CNTN5: variants seen among roughly 807,000 people sequenced by gnomAD.
CNTN5 encodes the protein contactin 5, also known as contactin-5.
CNTN5 carries 77 observed loss-of-function variants against 129.1 expected under a neutral mutation model. That is an observed-to-expected ratio of 0.60 (90% confidence interval 0.50 to 0.72). The LOEUF (loss-of-function observed/expected upper bound fraction) is 0.72. Among genes scored for constraint, CNTN5 ranks in the 30% least tolerant of loss-of-function variants. The pLI is 0.00. For synonymous variants in CNTN5, 509 were observed against 465.6 expected, an observed-to-expected ratio of 1.09 and a Z score of -1.20; for missense variants, 1,478 against 1,328.8, an observed-to-expected ratio of 1.11 and a Z score of -1.75.
intron 2 of CNTN5, among the ~76,000 whole-genome samples, chr11:99,492,808 T>C (rs994468577): frequency 6.6e-6 from 1 of 152,200 alleles, no homozygotes; most frequent in African/African-American, 2.4e-5. Context: ...GAGCCAGGCA[T>C]GCAGAACTGT....
chr11:99,469,718 T>C (rs1318308494), intron 2 of CNTN5, among the ~76,000 whole-genome samples: 1 of 152,142 alleles, frequency 6.6e-6, no homozygotes, highest in Non-Finnish European at 1.5e-5. Flanking sequence ...TCTATGGTTT[T>C]ATTTATAATA....
At chr11:99,815,014 A>G (rs1946538419) in intron 3 of CNTN5, among the ~76,000 whole-genome samples, 1 of 151,344 alleles carries the variant, frequency 6.6e-6, no homozygotes, top group African/African-American at 2.4e-5. Context: ...ATGAGAACTC[A>G]CTATCACAAG....
At chr11:99,987,994 A>G (rs1938802023) in intron 8 of CNTN5, among the ~76,000 whole-genome samples, 2 of 152,206 alleles carry the variant, frequency 1.3e-5, no homozygotes, top group South Asian at 4.1e-4. Flanking sequence ...CATCCACTTT[A>G]CATCTAGAGT....
chr11:99,328,769 C>T (rs1362008013), intron 2 of CNTN5, among the ~76,000 whole-genome samples: 1 of 149,006 alleles, frequency 6.7e-6, no homozygotes, highest in Non-Finnish European at 1.5e-5. Flanking sequence ...ACTCAGGAGG[C>T]TGAGGCAGGA....
intron 1 of CNTN5, among the ~76,000 whole-genome samples, chr11:99,230,866 C>T (rs1471839820): frequency 6.6e-6 from 1 of 152,126 alleles, no homozygotes; most frequent in African/African-American, 2.4e-5. Context: ...CACGTGTTCT[C>T]ATTGTTTAGT....
At chr11:99,135,154 G>T (rs1859154579) in intron 1 of CNTN5, among the ~76,000 whole-genome samples, 1 of 152,152 alleles carries the variant, frequency 6.6e-6, no homozygotes, top group Admixed American at 6.6e-5. Flanking sequence ...TAATCAGCAA[G>T]AAGTAAGACA....
At chr11:99,071,855 A>G (rs1382843789) in intron 1 of CNTN5, among the ~76,000 whole-genome samples, 3 of 152,094 alleles carry the variant, frequency 2.0e-5, no homozygotes, top group Non-Finnish European at 4.4e-5. Context: ...ACAGGAAGAA[A>G]TAGGAAATAC....
chr11:99,989,660 G>A (rs1234486783), intron 8 of CNTN5, among the ~76,000 whole-genome samples: 3 of 151,498 alleles, frequency 2.0e-5, no homozygotes, highest in Non-Finnish European at 1.5e-5. Flanking sequence ...TTTTATGCGT[G>A]GAAATTTATG....
At chr11:99,248,908 A>G (rs1451719325) in intron 1 of CNTN5, among the ~76,000 whole-genome samples, 1 of 152,160 alleles carries the variant, frequency 6.6e-6, no homozygotes, top group East Asian at 1.9e-4. Context: ...TGATGCCTCC[A>G]GCTTTGTTCT....
At chr11:99,212,958 G>A (rs902445178) in intron 1 of CNTN5, among the ~76,000 whole-genome samples, 4 of 151,864 alleles carry the variant, frequency 2.6e-5, no homozygotes, top group African/African-American at 7.2e-5. Context: ...TTGGGAGGCC[G>A]AGGTGGGTGG....
intron 2 of CNTN5, among the ~76,000 whole-genome samples, chr11:99,540,627 T>C (rs1948069437): frequency 6.6e-6 from 1 of 152,102 alleles, no homozygotes; most frequent in African/African-American, 2.4e-5. Context: ...AGAAATAGAC[T>C]ACCAAGAGCT....
At chr11:99,398,658 C>A (rs921789449) in intron 2 of CNTN5, among the ~76,000 whole-genome samples, 3 of 152,054 alleles carry the variant, frequency 2.0e-5, no homozygotes, top group Admixed American at 6.6e-5. Flanking sequence ...CTTAGAGATT[C>A]ATCCATGTCT....
intron 2 of CNTN5, among the ~76,000 whole-genome samples, chr11:99,457,164 C>G (rs1944526404): frequency 6.6e-6 from 1 of 151,792 alleles, no homozygotes; most frequent in African/African-American, 2.4e-5. Flanking sequence ...AGTCATTATT[C>G]CACCAATTTG....
intron 15 of CNTN5, among the ~76,000 whole-genome samples, 152 bp from the exon 16 acceptor site, chr11:100,224,539 TA>T (rs551638179): frequency 6.6e-6 from 1 of 152,182 alleles, no homozygotes; most frequent in Non-Finnish European, 1.5e-5. Context: ...ATGTGTTCCT[TA>T]AAAAAGGGCA....
chr11:99,772,526 T>G (rs2135343118), intron 3 of CNTN5, among the ~76,000 whole-genome samples: 1 of 152,184 alleles, frequency 6.6e-6, no homozygotes, highest in South Asian at 2.1e-4. Context: ...TTATGTAATG[T>G]GTACCCTTCC....
At chr11:99,595,850 G>C (rs891948025) in intron 3 of CNTN5, among the ~76,000 whole-genome samples, 1 of 151,876 alleles carries the variant, frequency 6.6e-6, no homozygotes, top group African/African-American at 2.4e-5. Flanking sequence ...ACTTTAGTGT[G>C]GTGCATCATA....
chr11:99,859,264 G>A (rs1209149339), intron 6 of CNTN5, among the ~76,000 whole-genome samples: 1 of 152,074 alleles, frequency 6.6e-6, no homozygotes. Flanking sequence ...ATGGTCACAC[G>A]GCTCAGATTA....
At chr11:99,258,465 C>CT (rs1188856339) in intron 1 of CNTN5, among the ~76,000 whole-genome samples, 2 of 152,008 alleles carry the variant, frequency 1.3e-5, no homozygotes, top group Non-Finnish European at 2.9e-5. Context: ...CCTAGTCTTA[C>CT]TTATTGTACC....
intron 4 of CNTN5, among the ~76,000 whole-genome samples, chr11:99,843,929 T>C (rs1010516300): frequency 5.9e-5 from 9 of 152,236 alleles, no homozygotes; most frequent in African/African-American, 1.9e-4. Context: ...CACGATGCTC[T>C]GAATGCTTAC....
Sources: gnomAD v4.1 joint callset for allele counts (sites outside exome capture counted in the v4.1 genomes callset) on GRCh38, gnomAD v4.1.1 for gene constraint, MANE v1.5 for transcripts, NCBI Gene and HGNC (gene_info 2026-07-23, HGNC 2026-07-21) for gene names.